DMRT1: variants seen among roughly 807,000 people sequenced by gnomAD.
DMRT1 encodes doublesex- and mab-3-related transcription factor 1.
A neutral mutation model predicts 32.3 loss-of-function variants in DMRT1; 7 were observed. That is an observed-to-expected ratio of 0.22 (90% CI 0.12 to 0.41). The LOEUF is 0.41. Ranked by LOEUF, DMRT1 falls within the 10% of genes least tolerant of loss-of-function variation. The probability of loss-of-function intolerance (pLI) is 1.00; values close to 1 mark genes in which losing one functional copy is unlikely to be tolerated. For missense variants in DMRT1, 625 were observed against 500.5 expected (o/e 1.25, Z -2.37); for synonymous variants, 278 against 206.1 (o/e 1.35, Z -2.99).
At chr9:868,385 C>A (rs1816083394) in intron 2 of DMRT1, among the ~76,000 whole-genome samples, 1 of 152,108 alleles carries the variant, frequency 6.6e-6, no homozygotes, top group Admixed American at 6.5e-5. Flanking sequence ...TTGATAATAT[C>A]CGGTGTATTG....
chr9:905,402 G>A (rs549276649), intron 3 of DMRT1, among the ~76,000 whole-genome samples: 2 of 151,916 alleles, frequency 1.3e-5, no homozygotes, highest in South Asian at 2.1e-4. Flanking sequence ...ATAATTCTAT[G>A]TCTGGAGTAT....
At chr9:964,283 T>C (rs751621811) in intron 4 of DMRT1, among the ~76,000 whole-genome samples, 2 of 152,172 alleles carry the variant, frequency 1.3e-5, no homozygotes, top group Non-Finnish European at 2.9e-5. Flanking sequence ...CAAAATCATC[T>C]TGAAGTGTTT....
intron 2 of DMRT1, among the ~76,000 whole-genome samples, chr9:854,044 A>G (rs1447916187): frequency 2.6e-5 from 4 of 151,272 alleles, no homozygotes; most frequent in South Asian, 2.1e-4. Flanking sequence ...TCCAGCAGTC[A>G]GGAGTTGAAC....
rs536443260 is a variant in DMRT1 at position 871,261 on chromosome 9, C to T, written c.539-22651C>T. ...CAGGCTAGTCTTGAATTATTGAGCT[C>T]GAGCAATTCTCCACCTTGGCCTCCC... On this transcript the variant is annotated intron_variant, in intron 2 of 4. Transcript: ENST00000382276. Among the ~76,000 whole-genome samples, 121 of 151,366 alleles carry T rather than the reference C, an allele frequency of 8.0e-4. 1 individual carries two copies. Among genetic ancestry groups the T allele is most frequent in the Non-Finnish European group, 1.6e-3 (107 of 67,924 alleles).
intron 4 of DMRT1, among the ~76,000 whole-genome samples, chr9:947,936 C>T (rs1030359444): frequency 1.3e-5 from 2 of 152,208 alleles, no homozygotes; most frequent in African/African-American, 4.8e-5. Flanking sequence ...CTGGGGTCAG[C>T]CATGCTGTGT....
rs541964522 is a variant in DMRT1 at position 931,672 on chromosome 9, A to G, written c.967+14765A>G. On this transcript the variant is annotated intron_variant, in intron 4 of 4. Transcript: ENST00000382276. The stretch of plus-strand genomic sequence containing the variant: ...GCTTTTCCTCTTTGTGTGTGTGGAG[A>G]TAGACACAGAGAGAGAATGGAATGT... 1.8e-3 allele frequency among the ~76,000 whole-genome samples: 268 copies of G among 152,218 alleles called. 1 individual carries two copies. Among genetic ancestry groups the G allele is most frequent in the Non-Finnish European group, 1.5e-3 (101 of 68,006 alleles).
intron 4 of DMRT1, among the ~76,000 whole-genome samples, chr9:964,047 G>A (rs1819857019): frequency 6.6e-6 from 1 of 152,122 alleles, no homozygotes; most frequent in South Asian, 2.1e-4. Context: ...TATAGAGGAA[G>A]GAAAAATGTT....
intron 4 of DMRT1, among the ~76,000 whole-genome samples, chr9:958,107 G>A (rs988247676): frequency 1.3e-5 from 2 of 152,186 alleles, no homozygotes; most frequent in Non-Finnish European, 2.9e-5. Flanking sequence ...AGTTGGCATA[G>A]TATGATAAGC....
chr9:844,529 A>G (rs987971162), intron 1 of DMRT1, among the ~76,000 whole-genome samples: 5 of 146,502 alleles, frequency 3.4e-5, no homozygotes, highest in African/African-American at 1.4e-4. Context: ...TTGGTTAGTA[A>G]TAGGAAATCC....
At chr9:909,888 A>T (rs1160535025) in intron 3 of DMRT1, among the ~76,000 whole-genome samples, 1 of 151,956 alleles carries the variant, frequency 6.6e-6, no homozygotes, top group South Asian at 2.1e-4. Context: ...AATTTTTTAA[A>T]TTTTTTGTAG....
intron 2 of DMRT1, among the ~76,000 whole-genome samples, chr9:857,770 T>TC (rs372766508): frequency 0.014 from 1,367 of 96,508 alleles, 31 homozygotes; most frequent in African/African-American, 0.05. Context: ...ATGCTATCCC[T>TC]CCCCCCTCCC....
At chr9:906,077 A>T (rs1817767694) in intron 3 of DMRT1, among the ~76,000 whole-genome samples, 1 of 151,850 alleles carries the variant, frequency 6.6e-6, no homozygotes, top group South Asian at 2.1e-4. Flanking sequence ...AAATCCATGT[A>T]CTTTAGGGAA....
chr9:864,653 C>A (rs1428252174), intron 2 of DMRT1, among the ~76,000 whole-genome samples: 8 of 151,966 alleles, frequency 5.3e-5, no homozygotes, highest in Non-Finnish European at 1.0e-4. Flanking sequence ...CGCCCGCCAC[C>A]ACGCCTGGCT....
At chr9:955,702 C>CA (rs977592631) in intron 4 of DMRT1, among the ~76,000 whole-genome samples, 147 of 151,732 alleles carry the variant, frequency 9.7e-4, no homozygotes, top group Non-Finnish European at 1.3e-3. Context: ...AACCCTGTTT[C>CA]AAAAAAAAGC....
At chr9:946,056 C>G (rs1819234596) in intron 4 of DMRT1, among the ~76,000 whole-genome samples, 1 of 151,824 alleles carries the variant, frequency 6.6e-6, no homozygotes, top group African/African-American at 2.4e-5. Flanking sequence ...CTGGCACCTA[C>G]TATTCCACAG....
chr9:967,176 G>A lies in DMRT1; in HGVS notation c.968-809G>A, dbSNP rs1174339698. ...ACTAGGCAGGAAGGGAGTTCTGGGGGTGGATCTAAACTCAGCTAAGGTTAA... is the reference window on the plus strand; with the variant it reads ...ACTAGGCAGGAAGGGAGTTCTGGGGATGGATCTAAACTCAGCTAAGGTTAA... On this transcript the variant is annotated intron_variant, in intron 4 of 4. Transcript: ENST00000382276. 2.6e-5 allele frequency among the ~76,000 whole-genome samples: 4 copies of A among 152,202 alleles called. No individual in the cohort carries two copies. In the East Asian group the frequency reaches 7.7e-4, roughly 29 times the overall value.
intron 3 of DMRT1, among the ~76,000 whole-genome samples, chr9:895,564 T>C (rs1242717024): frequency 6.6e-6 from 1 of 152,184 alleles, no homozygotes; most frequent in Non-Finnish European, 1.5e-5. Flanking sequence ...AAAAGTTGTA[T>C]ATATTTAAGA....
At chr9:864,950 C>G (rs4740952) in intron 2 of DMRT1, among the ~76,000 whole-genome samples, 2 of 152,006 alleles carry the variant, frequency 1.3e-5, no homozygotes, top group Admixed American at 1.3e-4. Context: ...GTGGTATGGC[C>G]GTGATGCAGG....
intron 4 of DMRT1, among the ~76,000 whole-genome samples, chr9:949,212 A>C (rs1290193352): frequency 2.0e-5 from 3 of 152,104 alleles, no homozygotes; most frequent in Non-Finnish European, 4.4e-5. Context: ...TCAAAAAATA[A>C]AACAATTAGC....
Sources: gnomAD v4.1 joint callset for allele counts (sites outside exome capture counted in the v4.1 genomes callset) on GRCh38, gnomAD v4.1.1 for gene constraint, MANE v1.5 for transcripts, NCBI Gene and HGNC (gene_info 2026-07-23, HGNC 2026-07-21) for gene names.